The following SLC7A2 variants were observed in gnomAD, a reference collection of about 807,000 sequenced individuals.
The protein encoded by SLC7A2 is cationic amino acid transporter 2.
In SLC7A2, 48 loss-of-function variants were observed where a neutral mutation model predicts 58.9. That is an observed-to-expected ratio of 0.82 (90% confidence interval 0.65 to 1.04). The LOEUF is 1.04. SLC7A2 is among the 50% of genes least tolerant of loss of function. The pLI is 0.00. For missense variants in SLC7A2, 1,029 were observed against 818.8 expected (o/e 1.26, Z -3.13); for synonymous variants, 363 against 314.5 (o/e 1.15, Z -1.63).
chr8:17,558,960 A>C (rs1165270074), intron 9 of SLC7A2, among the ~76,000 whole-genome samples: 1 of 152,226 alleles, frequency 6.6e-6, no homozygotes, highest in Non-Finnish European at 1.5e-5. Flanking sequence ...ATTTTCATGA[A>C]GAAATCATAT....
At chr8:17,538,698 T>A in intron 2 of SLC7A2, 1 of 1,141,576 alleles carries the variant, frequency 8.8e-7, no homozygotes, top group Non-Finnish European at 1.2e-6. Flanking sequence ...CATTGCAAAA[T>A]AAAAAAGATC....
At chr8:17,550,574 G>T (rs1306241614) in intron 6 of SLC7A2, 140 bp downstream of exon 6, 12 of 687,302 alleles carry the variant, frequency 1.7e-5, no homozygotes, top group Admixed American at 6.8e-5. Context: ...GCTGTGACAC[G>T]TGCTGCTGAT....
intron 2 of SLC7A2, among the ~76,000 whole-genome samples, chr8:17,527,278 AGACAT>A (rs1353894967): frequency 6.6e-6 from 1 of 152,170 alleles, no homozygotes; most frequent in Non-Finnish European, 1.5e-5. Context: ...TTGAGAAAAA[AGACAT>A]GAGGGTTTTA....
intron 2 of SLC7A2, among the ~76,000 whole-genome samples, chr8:17,536,692 T>C (rs1326762914): frequency 2.0e-5 from 3 of 152,340 alleles, no homozygotes; most frequent in South Asian, 4.1e-4. Flanking sequence ...AGAGTTATTC[T>C]ATCACGGAAA....
intron 5 of SLC7A2, among the ~76,000 whole-genome samples, chr8:17,549,389 A>G (rs538371176): frequency 6.6e-6 from 1 of 152,344 alleles, no homozygotes; most frequent in South Asian, 2.1e-4. Context: ...AGGTATAGGT[A>G]TGCTCCTTTT....
At position 17,564,939 on chromosome 8, in the gene SLC7A2, T is replaced by C; in HGVS notation, c.1781-11T>C. On this transcript the variant is annotated splice_polypyrimidine_tract_variant and intron_variant, in intron 12 of 12. Coordinates refer to ENST00000494857, the MANE Select transcript of SLC7A2 (RefSeq NM_001370338.1). ...CTGAAACATTGATTTTTTTTTTTCC[T>C]GCCCCAACAGGCTTCCTGATTTACT... is the stretch of plus-strand genomic sequence containing the variant. 3 of 1,557,802 alleles carry C rather than the reference T, an allele frequency of 1.9e-6. No homozygotes were observed. The highest frequency in any genetic ancestry group is 2.6e-6 in the Non-Finnish European group (3 of 1,156,516).
At chr8:17,505,081 AC>A (rs1425633050) in intron 2 of SLC7A2, among the ~76,000 whole-genome samples, 1 of 88,310 alleles carries the variant, frequency 1.1e-5, no homozygotes. Context: ...ACCACCCCCC[AC>A]CCCCCCGCCG....
In SLC7A2 at chr8:17,550,534, C is replaced by T. The variant is rs562433125; in HGVS notation, c.832+100C>T. 1.4e-5 allele frequency: 16 copies of T among 1,171,054 alleles called. No individual in the cohort carries two copies. The East Asian group carries it at 2.4e-4, about 17-fold the overall frequency. The allele number at this position is 1,171,054 out of a possible 1,614,324, so 72.5% of individuals were successfully genotyped here. A position where few individuals can be genotyped will look rare whatever the true frequency, so the allele number is the denominator to read the frequency against. On this transcript the variant is annotated intron_variant, in intron 6 of 12. Coordinates refer to ENST00000494857, the MANE Select transcript of SLC7A2 (RefSeq NM_001370338.1). ...GGGTCCAGGAAAGAGAGAGGGATTT[C>T]GGGTAAGAAGGGCACTAGTTCCAGG...
At chr8:17,528,302 C>A (rs1399531643) in intron 2 of SLC7A2, among the ~76,000 whole-genome samples, 1 of 152,152 alleles carries the variant, frequency 6.6e-6, no homozygotes, top group South Asian at 2.1e-4. Flanking sequence ...ATTTGCCTCC[C>A]TACATCTGGA....
chr8:17,537,927 T>C (rs1484386059), intron 2 of SLC7A2, among the ~76,000 whole-genome samples: 1 of 152,204 alleles, frequency 6.6e-6, no homozygotes, highest in Non-Finnish European at 1.5e-5. Flanking sequence ...AAAAGTTGGA[T>C]GCTTCATTTA....
intron 4 of SLC7A2, among the ~76,000 whole-genome samples, chr8:17,544,922 A>G (rs958565123): frequency 2.6e-5 from 4 of 152,202 alleles, no homozygotes; most frequent in Non-Finnish European, 4.4e-5. Context: ...TCAGTAAGGA[A>G]GAATGTGTAA....
chr8:17,515,716 G>A (rs1348465777), intron 2 of SLC7A2, among the ~76,000 whole-genome samples: 1 of 152,058 alleles, frequency 6.6e-6, no homozygotes, highest in African/African-American at 2.4e-5. Context: ...GAGAACCATG[G>A]GCTAAGCCTT....
intron 9 of SLC7A2, 51 bp downstream of exon 9, chr8:17,558,448 G>A (rs781670406): frequency 1.6e-6 from 2 of 1,227,834 alleles, no homozygotes; most frequent in Non-Finnish European, 2.4e-6. Context: ...GGGACTCTGG[G>A]AGTGAGAAAA....
intron 2 of SLC7A2, among the ~76,000 whole-genome samples, chr8:17,521,366 G>T (rs1801006981): frequency 6.6e-6 from 1 of 152,194 alleles, no homozygotes; most frequent in African/African-American, 2.4e-5. Context: ...CAGAGTGTAG[G>T]ATTGTAAGAA....
At chr8:17,499,536 C>A (rs1363395401) in intron 1 of SLC7A2, among the ~76,000 whole-genome samples, 1 of 150,696 alleles carries the variant, frequency 6.6e-6, no homozygotes, top group South Asian at 2.1e-4. Context: ...CTTTATTTCC[C>A]CCAAACATGT....
intron 8 of SLC7A2, among the ~76,000 whole-genome samples, chr8:17,555,779 C>A (rs1269737824): frequency 5.9e-5 from 9 of 152,120 alleles, no homozygotes; most frequent in Non-Finnish European, 1.3e-4. Context: ...TCTTAATATC[C>A]ATGTAAAATA....
At chr8:17,515,112 A>C (rs1191129808) in intron 2 of SLC7A2, among the ~76,000 whole-genome samples, 1 of 152,238 alleles carries the variant, frequency 6.6e-6, no homozygotes, top group Non-Finnish European at 1.5e-5. Context: ...TTGTTGCATC[A>C]GATGAACCTT....
At chr8:17,496,857 C>CA (rs1232974348), upstream of SLC7A2, among the ~76,000 whole-genome samples, 1 of 152,036 alleles carries the variant, frequency 6.6e-6, no homozygotes, top group Non-Finnish European at 1.5e-5. Flanking sequence ...GGCCCGCGCC[C>CA]ACCGGCCTAG....
intron 2 of SLC7A2, among the ~76,000 whole-genome samples, chr8:17,525,422 T>A (rs1191112459): frequency 1.3e-5 from 2 of 152,160 alleles, no homozygotes; most frequent in Admixed American, 1.3e-4. Context: ...AAAATCACAG[T>A]GGCAATTATT....
Sources: gnomAD v4.1 joint callset for allele counts (sites outside exome capture counted in the v4.1 genomes callset) on GRCh38, gnomAD v4.1.1 for gene constraint, MANE v1.5 for transcripts, NCBI Gene and HGNC (gene_info 2026-07-23, HGNC 2026-07-21) for gene names.